Variants in DNAH7 observed in about 807,000 individuals in gnomAD.
DNAH7 encodes axonemal beta dynein heavy chain 7.
A neutral mutation model predicts 444.6 loss-of-function variants in DNAH7; 397 were observed. The ratio of observed to expected loss-of-function variants is 0.89; its 90% CI spans 0.82 to 0.97. The LOEUF (loss-of-function observed/expected upper bound fraction) is 0.97. Ranked by LOEUF, DNAH7 falls within the 50% of genes least tolerant of loss-of-function variation. The pLI is 0.00. For synonymous variants in DNAH7, 1,636 were observed against 1,624.4 expected, an observed-to-expected ratio of 1.01 and a Z score of -0.17; for missense variants, 4,902 against 4,800.8, an observed-to-expected ratio of 1.02 and a Z score of -0.62.
chr2:195,891,933 G>A, intron 30 of DNAH7, 129 bp from the exon 31 acceptor site: 1 of 638,224 alleles, frequency 1.6e-6, no homozygotes, highest in African/African-American at 1.9e-5. Flanking sequence ...ATTTGACAAG[G>A]TCCCAGCATA....
chr2:195,774,751 A>G (rs188501683), intron 60 of DNAH7, among the ~76,000 whole-genome samples: 4 of 152,382 alleles, frequency 2.6e-5, no homozygotes, highest in African/African-American at 9.6e-5. Flanking sequence ...ATTGTTATAC[A>G]TAATAGCACT....
chr2:196,034,298 A>G (rs1031170990), intron 5 of DNAH7, among the ~76,000 whole-genome samples: 4 of 152,204 alleles, frequency 2.6e-5, no homozygotes, highest in African/African-American at 9.6e-5. Context: ...TTCATTCACA[A>G]TAAAATTAAT....
intron 22 of DNAH7, among the ~76,000 whole-genome samples, chr2:195,925,989 A>T (rs1221355324): frequency 6.6e-6 from 1 of 152,110 alleles, no homozygotes; most frequent in Non-Finnish European, 1.5e-5. Context: ...TGTATTCACA[A>T]TCAATACATT....
chr2:195,984,160 T>G (rs1692752491), intron 15 of DNAH7, among the ~76,000 whole-genome samples: 1 of 152,082 alleles, frequency 6.6e-6, no homozygotes, highest in Non-Finnish European at 1.5e-5. Context: ...TGCTGGGGCT[T>G]GAGGGACAAG....
Position 195,948,703 on chromosome 2 carries a change from T to C in DNAH7, c.3078+8558A>G, listed in dbSNP as rs187947340. On this transcript the variant is annotated intron_variant, in intron 19 of 64. Transcript: ENST00000312428. ...TGTTTCGGTTACTGTAGCCTTGTAG[T>C]ATAGTTTGAAGTCAGGTAGCGTGAT... Among the ~76,000 whole-genome samples, 15 of 152,334 alleles carry C rather than the reference T, an allele frequency of 9.8e-5. No individual in the cohort carries two copies. In the East Asian group the frequency reaches 1.5e-3, roughly 16 times the overall value.
intron 47 of DNAH7, among the ~76,000 whole-genome samples, chr2:195,836,104 T>C (rs1698358954): frequency 6.6e-6 from 1 of 152,198 alleles, no homozygotes; most frequent in Non-Finnish European, 1.5e-5. Flanking sequence ...GTGTCCTATA[T>C]GGCCTCTGCT....
At position 195,756,266 on chromosome 2, in the gene DNAH7, G is replaced by T. The variant is rs368618634; in HGVS notation, c.11453C>A (p.Thr3818Lys). 6.2e-7 allele frequency: 1 copy of T among 1,612,068 alleles called. No individual in the cohort carries two copies. Among genetic ancestry groups the T allele is most frequent in the African/African-American group, 1.3e-5 (1 of 74,840 alleles). ...KAIKGLAVMS[T>K]DLEEVVSSIL... ...GCTGCTAACCACTTCTTCAAGATCTGTAGACATGACTGCAAGCCCCTGAAA... is the reference window on the plus strand; with the variant it reads ...GCTGCTAACCACTTCTTCAAGATCTTTAGACATGACTGCAAGCCCCTGAAA... The change falls in exon 62 of 65, where the codon ACA (threonine) becomes AAA (lysine). Residue 3818 changes from threonine to lysine, a missense_variant. By Grantham distance (78) the Thr-to-Lys change is moderately conservative. Coordinates refer to ENST00000312428, the MANE Select transcript of DNAH7 (RefSeq NM_018897.3).
chr2:196,018,935 A>C (rs902074002), intron 9 of DNAH7, among the ~76,000 whole-genome samples: 2 of 152,132 alleles, frequency 1.3e-5, no homozygotes, highest in African/African-American at 4.8e-5. Context: ...GTACCCCATA[A>C]ATATATGCAT....
intron 15 of DNAH7, among the ~76,000 whole-genome samples, chr2:195,974,665 T>C (rs1692062876): frequency 6.6e-6 from 1 of 151,792 alleles, no homozygotes; most frequent in Non-Finnish European, 1.5e-5. Flanking sequence ...ACATTTATAA[T>C]CATTCATAAC....
At chr2:195,784,041 C>T (rs193019568) in intron 58 of DNAH7, among the ~76,000 whole-genome samples, 1 of 152,264 alleles carries the variant, frequency 6.6e-6, no homozygotes, top group East Asian at 1.9e-4. Context: ...GTATCAACAT[C>T]CATGACCAAA....
Position 195,778,636 on chromosome 2 carries a change from ATAAATAAAT to A in DNAH7, c.10879-660_10879-652del, listed in dbSNP as rs1559089642. On this transcript the variant is annotated intron_variant, in intron 58 of 64. Coordinates refer to ENST00000312428, the MANE Select transcript of DNAH7 (RefSeq NM_018897.3). ...CCTGTCTGAAAAAAAAAAAAAATAA[ATAAATAAAT>A]ATATATATATATATATATATATATA... Among the ~76,000 whole-genome samples the A allele has an allele frequency of 9.7e-4, 61 of 63,122 alleles. 5 individuals carry two copies. The highest frequency in any genetic ancestry group is 4.1e-3 in the African/African-American group (54 of 13,082). 41.4% of individuals were successfully genotyped at this position (63,122 alleles called of 152,430 possible). A position where few individuals can be genotyped will look rare whatever the true frequency, so the allele number is the denominator to read the frequency against.
At chr2:195,937,054 TGA>T (rs767371567) in intron 19 of DNAH7, among the ~76,000 whole-genome samples, 7 of 151,670 alleles carry the variant, frequency 4.6e-5, no homozygotes, top group Non-Finnish European at 7.4e-5. Context: ...AAACAGAAAA[TGA>T]GAGAGAGAGA....
chr2:195,777,297 C>G (rs1055211688), intron 59 of DNAH7, among the ~76,000 whole-genome samples: 2 of 152,166 alleles, frequency 1.3e-5, no homozygotes, highest in Admixed American at 1.3e-4. Context: ...CTGTGACTCG[C>G]TGCCACCTTC....
chr2:196,013,366 G>C (rs1158238168), intron 9 of DNAH7, among the ~76,000 whole-genome samples: 2 of 152,126 alleles, frequency 1.3e-5, no homozygotes, highest in African/African-American at 4.8e-5. Flanking sequence ...TTTTGAGCCT[G>C]TCTGGTTTTT....
intron 5 of DNAH7, among the ~76,000 whole-genome samples, chr2:196,041,795 A>G (rs1408413776): frequency 6.6e-6 from 1 of 152,034 alleles, no homozygotes; most frequent in Non-Finnish European, 1.5e-5. Context: ...TTTGCAAACT[A>G]TCCATAGACA....
At chr2:195,994,949 T>C (rs1273969220) in intron 12 of DNAH7, 2 of 292,278 alleles carry the variant, frequency 6.8e-6, no homozygotes, top group African/African-American at 2.3e-5. Context: ...TCCTTTTCTT[T>C]AGACAGAGTC....
At chr2:195,899,496 G>C (rs1225693976) in intron 28 of DNAH7, among the ~76,000 whole-genome samples, 1 of 151,962 alleles carries the variant, frequency 6.6e-6, no homozygotes, top group African/African-American at 2.4e-5. Context: ...TTTGTTTATT[G>C]CAACAAACAA....
chr2:195,901,522 T>C (rs1271547976), intron 27 of DNAH7: 1 of 152,136 alleles, frequency 6.6e-6, no homozygotes, highest in Non-Finnish European at 1.5e-5. Flanking sequence ...ATTATATTCT[T>C]CATGGGAAGC....
chr2:195,847,265 G>C (rs1699060956), intron 46 of DNAH7, among the ~76,000 whole-genome samples: 1 of 151,196 alleles, frequency 6.6e-6, no homozygotes, highest in Non-Finnish European at 1.5e-5. Flanking sequence ...CAAAGACATA[G>C]AATCAACTCA....
Sources: allele counts gnomAD v4.1 joint callset (sites outside exome capture counted in the v4.1 genomes callset), GRCh38; gene constraint gnomAD v4.1.1; transcripts MANE v1.5; gene names NCBI Gene and HGNC (gene_info 2026-07-23, HGNC 2026-07-21).